IGSF9B: variants seen among roughly 807,000 people sequenced by gnomAD.
The protein encoded by IGSF9B is immunoglobulin superfamily member 9B.
A neutral mutation model predicts 143.7 loss-of-function variants in IGSF9B; 48 were observed. That is an observed-to-expected ratio of 0.33 (90% CI 0.26 to 0.42). The LOEUF (loss-of-function observed/expected upper bound fraction) is 0.42, where lower values mean the gene tolerates loss of function less well. Ranked by LOEUF, IGSF9B falls within the 20% of genes least tolerant of loss-of-function variation. IGSF9B has a pLI of 1.00. For synonymous variants in IGSF9B, 903 were observed against 833.1 expected, an observed-to-expected ratio of 1.08 and a Z score of -1.44; for missense variants, 1,706 against 1,980.0, an observed-to-expected ratio of 0.86 and a Z score of 2.63.
rs116794115 is a variant in IGSF9B, at chr11:133,948,408, T to C, written c.65-2150A>G. Among the ~76,000 whole-genome samples the C allele has an allele frequency of 0.02, 3,079 of 152,172 alleles. 113 individuals are homozygous for C. Among genetic ancestry groups the C allele is most frequent in the African/African-American group, 0.069 (2,876 of 41,476 alleles). On this transcript the variant is annotated intron_variant, in intron 1 of 19. Coordinates refer to ENST00000533871, the MANE Select transcript of IGSF9B (RefSeq NM_001277285.4). This position sits in a 1 kb window ranked among gnomAD's most constrained non-coding sequence, Gnocchi z 4.7. ...CCTGAGGCCCCAGCATGCTTCCCAA[T>C]TTCCCCCACCCCCAACCTTGCTTCA...
At chr11:133,937,664 A>T (rs1307181621) in intron 4 of IGSF9B, 146 bp downstream of exon 4, 4 of 1,131,454 alleles carry the variant, frequency 3.5e-6, no homozygotes, top group Non-Finnish European at 5.0e-6. Context: ...CCAGCGACAC[A>T]GAGACGCCTG....
chr11:133,949,412 A>G (rs929609247), intron 1 of IGSF9B, among the ~76,000 whole-genome samples: 2 of 152,184 alleles, frequency 1.3e-5, no homozygotes, highest in African/African-American at 4.8e-5. Flanking sequence ...TCTGAGCCAA[A>G]GTATGTCTAA....
chr11:133,937,508 C>T lies in IGSF9B; in HGVS notation c.562-15G>A. On this transcript the variant is annotated splice_polypyrimidine_tract_variant and intron_variant, in intron 4 of 19. Coordinates refer to ENST00000533871, the MANE Select transcript of IGSF9B (RefSeq NM_001277285.4). ...CCGTCACTCACCTGGGAGCCCAAAA[C>T]AGAGGGAGCTCAGCACCCACGCTCA... The T allele has an allele frequency of 6.2e-7, 1 of 1,603,092 alleles. No individual in the cohort carries two copies. Among genetic ancestry groups the T allele is most frequent in the Non-Finnish European group, 8.5e-7 (1 of 1,170,930 alleles).
chr11:133,917,860 G>A (rs899035695), intron 18 of IGSF9B, among the ~76,000 whole-genome samples: 3 of 152,020 alleles, frequency 2.0e-5, no homozygotes, highest in African/African-American at 4.8e-5. Context: ...ATACCAGAGG[G>A]GCCCCAGAGA....
chr11:133,940,551 C>T (rs1939931445), intron 3 of IGSF9B, among the ~76,000 whole-genome samples: 2 of 149,020 alleles, frequency 1.3e-5, no homozygotes, highest in African/African-American at 2.5e-5. Flanking sequence ...CGCATGTCCT[C>T]GCACGCGTCA....
intron 3 of IGSF9B, among the ~76,000 whole-genome samples, chr11:133,941,485 G>A (rs2121331372): frequency 6.6e-6 from 1 of 152,322 alleles, no homozygotes; most frequent in East Asian, 1.9e-4. Flanking sequence ...ATTCTAGTTT[G>A]AAAGCAACGT....
At chr11:133,930,873 G>T in intron 11 of IGSF9B, 111 bp downstream of exon 11, 1 of 1,126,646 alleles carries the variant, frequency 8.9e-7, no homozygotes, top group Non-Finnish European at 1.2e-6. Context: ...ACTTAGGAAG[G>T]GAGCCCGCAG....
intron 11 of IGSF9B, 88 bp from the exon 12 acceptor site, chr11:133,929,870 G>A (rs1043003408): frequency 1.7e-5 from 14 of 844,982 alleles, no homozygotes; most frequent in East Asian, 2.5e-5. Context: ...AACCTGAGAG[G>A]CTGAAGCGCA....
At position 133,948,056 on chromosome 11, in the gene IGSF9B, C is replaced by CGTGTGCGTGTGT. The variant is rs1940088890; in HGVS notation, c.65-1799_65-1798insACACACGCACAC. Among the ~76,000 whole-genome samples, 4 of 147,186 alleles carry CGTGTGCGTGTGT rather than the reference C, an allele frequency of 2.7e-5. No individual in the cohort carries two copies. The highest frequency in any genetic ancestry group is 1.0e-4 in the African/African-American group (4 of 39,074). On this transcript the variant is annotated intron_variant, in intron 1 of 19. Coordinates refer to ENST00000533871, the MANE Select transcript of IGSF9B (RefSeq NM_001277285.4). The surrounding 1 kb of genome is among the most constrained non-coding windows in gnomAD (Gnocchi z 4.7). Reference sequence around the variant, plus strand: ...CTGTTTCTGTCTACCAGCATGTGTGCGTGTGTGTGTGTGTGTGTGTGTGTG... The same window carrying CGTGTGCGTGTGT: ...CTGTTTCTGTCTACCAGCATGTGTGCGTGTGCGTGTGTGTGTGTGTGTGTGTGTGTGTGTGTG...
intron 15 of IGSF9B, 21 bp from the exon 16 acceptor site, chr11:133,922,751 A>G: frequency 6.5e-7 from 1 of 1,537,638 alleles, no homozygotes; most frequent in East Asian, 2.4e-5. Flanking sequence ...GGTGGGGAGC[A>G]CTCATGAGCC....
chr11:133,945,221 C>A lies in IGSF9B; in HGVS notation c.262+840G>T, dbSNP rs1940024545. Among the ~76,000 whole-genome samples, 1 of 152,208 alleles carries A rather than the reference C, an allele frequency of 6.6e-6. No individual in the cohort carries two copies. The highest frequency in any genetic ancestry group is 2.4e-5 in the African/African-American group (1 of 41,448). ...CCTCACCGCAGCCAATATCACCACACCTCTGCTCTCCTCCTCGTCCTGATG... is the reference window on the plus strand; with the variant it reads ...CCTCACCGCAGCCAATATCACCACAACTCTGCTCTCCTCCTCGTCCTGATG... On this transcript the variant is annotated intron_variant, in intron 2 of 19. Transcript: ENST00000533871. The surrounding 1 kb of genome is among the most constrained non-coding windows in gnomAD (Gnocchi z 4.6).
intron 1 of IGSF9B, among the ~76,000 whole-genome samples, chr11:133,949,919 G>A (rs77184211): frequency 0.04 from 6,138 of 152,324 alleles, 285 homozygotes; most frequent in Admixed American, 0.13. Context: ...CAGAAATAGC[G>A]GTGCCCAGAA....
chr11:133,940,558 G>A (rs1171612685), intron 3 of IGSF9B, among the ~76,000 whole-genome samples: 8 of 125,682 alleles, frequency 6.4e-5, no homozygotes, highest in South Asian at 2.7e-4. Flanking sequence ...CCTCGCACGC[G>A]TCATCACATG....
chr11:133,903,496 C>T lies in IGSF9B; in HGVS notation c.*5573G>A, dbSNP rs1212596176. Among the ~76,000 whole-genome samples the T allele has an allele frequency of 1.3e-5, 2 of 152,178 alleles. No homozygotes were observed. Among genetic ancestry groups the T allele is most frequent in the African/African-American group, 2.4e-5 (1 of 41,442 alleles). ...ATTTTAATGACTGGCCACTGTTCCA[C>T]CAGAGTATATGGCAACCAAGATACC... On this transcript the variant is annotated 3_prime_UTR_variant, in exon 20 of 20. Transcript: ENST00000533871.
At position 133,901,871 on chromosome 11, in the gene IGSF9B, ACGCAC is replaced by A. The variant is rs1365428074; in HGVS notation, c.*7193_*7197del. Among the ~76,000 whole-genome samples the A allele has an allele frequency of 2.1e-5, 3 of 145,070 alleles. No individual in the cohort carries two copies. Among genetic ancestry groups the A allele is most frequent in the Non-Finnish European group, 3.0e-5 (2 of 65,712 alleles). ...CACACGCACCACACACGCACCACAC[ACGCAC>A]CACACACACACACAACACACACACA... On this transcript the variant is annotated 3_prime_UTR_variant, in exon 20 of 20. Transcript: ENST00000533871.
At position 133,897,662 on chromosome 11, in the gene IGSF9B, T is replaced by C. The variant is rs1196380767; in HGVS notation, c.*11407A>G. The stretch of plus-strand genomic sequence containing the variant: ...AGGCTTTGGTACAGCACCGATTTCA[T>C]GTTCTTATAGTTTGATTTCTAAGTC... On this transcript the variant is annotated 3_prime_UTR_variant, in exon 20 of 20. Transcript: ENST00000533871. The C allele has an allele frequency of 6.6e-6, 1 of 152,168 alleles. No individual in the cohort carries two copies. Among genetic ancestry groups the C allele is most frequent in the Non-Finnish European group, 1.5e-5 (1 of 68,038 alleles). 9.4% of individuals were successfully genotyped at this position (152,168 alleles called of 1,614,324 possible).
At chr11:133,923,298 GATT>G (rs769541767) in intron 15 of IGSF9B, among the ~76,000 whole-genome samples, 1 of 152,186 alleles carries the variant, frequency 6.6e-6, no homozygotes, top group Non-Finnish European at 1.5e-5. Flanking sequence ...CAGGAAGAGG[GATT>G]ATTACTACAA....
At position 133,920,310 on chromosome 11, in the gene IGSF9B, T is replaced by G; in HGVS notation, c.3415A>C (p.Ser1139Arg). 6.4e-7 allele frequency: 1 copy of G among 1,570,250 alleles called. No homozygotes were observed. The highest frequency in any genetic ancestry group is 1.2e-5 in the South Asian group (1 of 85,896). Reference sequence around the variant, plus strand: ...AGCACAGGTATGCCCATGCCTTGGCTTGTATGTCGCAGCTGCCCTTGGCTT... The same window carrying G: ...AGCACAGGTATGCCCATGCCTTGGCGTGTATGTCGCAGCTGCCCTTGGCTT... The part of the protein sequence containing the change: ...LVSQGQLRHT[S>R]QGMGIPVLPY... The change falls in exon 18 of 20, where the codon AGC becomes CGC. Residue 1139 changes from serine (S) to arginine (R), a missense_variant. Around this residue, in one of 7 missense-constraint regions of IGSF9B, gnomAD observed 880 missense variants for 762.9 expected, o/e 1.15. Transcript: ENST00000533871.
chr11:133,956,243 C>G (rs1013661522), intron 1 of IGSF9B, among the ~76,000 whole-genome samples: 27 of 152,136 alleles, frequency 1.8e-4, no homozygotes, highest in African/African-American at 6.3e-4. Context: ...TCCTCCGGGT[C>G]GCGCCTCCCT....
Sources: allele counts gnomAD v4.1 joint callset (sites outside exome capture counted in the v4.1 genomes callset), GRCh38; gene constraint gnomAD v4.1.1; regional missense constraint gnomAD v4.1.1; non-coding constraint Gnocchi (gnomAD v3.1); transcripts MANE v1.5; gene names NCBI Gene and HGNC (gene_info 2026-07-23, HGNC 2026-07-21).